The following ARIH1 variants were observed in gnomAD, a reference collection of about 807,000 sequenced individuals.
The protein encoded by ARIH1 is E3 ubiquitin-protein ligase ARIH1.
In ARIH1, 8 loss-of-function variants were observed where a neutral mutation model predicts 85.0. The observed-to-expected ratio is 0.09, with a 90% CI of 0.06 to 0.17. The LOEUF is 0.17. ARIH1 is among the 10% of genes least tolerant of loss of function. The probability of loss-of-function intolerance (pLI) is 1.00; values close to 1 mark genes in which losing one functional copy is unlikely to be tolerated. For missense variants in ARIH1, 311 were observed against 718.1 expected (o/e 0.43, Z 6.48); for synonymous variants, 238 against 253.6 (o/e 0.94, Z 0.59).
chr15:72,532,569 T>C (rs1337120946), intron 2 of ARIH1, among the ~76,000 whole-genome samples: 1 of 152,136 alleles, frequency 6.6e-6, no homozygotes, highest in Non-Finnish European at 1.5e-5. Flanking sequence ...CATAAAGATA[T>C]CATAACCTTT....
chr15:72,595,319 A>G lies in ARIH1; in HGVS notation c.*12027A>G, dbSNP rs1019809267. 2.0e-5 allele frequency: 3 copies of G among 152,222 alleles called. No individual in the cohort carries two copies. The highest frequency in any genetic ancestry group is 7.2e-5 in the African/African-American group (3 of 41,414). The allele number at this position is 152,222 out of a possible 1,614,324, so 9.4% of individuals were successfully genotyped here. ...CTCAGCCTCCTGAGTAGCTAGGAATACAGGTGCATGTCACCACACCAGGCA... is the reference window on the plus strand; with the variant it reads ...CTCAGCCTCCTGAGTAGCTAGGAATGCAGGTGCATGTCACCACACCAGGCA... On this transcript the variant is annotated 3_prime_UTR_variant, in exon 14 of 14. Coordinates refer to ENST00000379887, the MANE Select transcript of ARIH1 (RefSeq NM_005744.5).
In ARIH1 at chr15:72,474,903, T is replaced by C. The variant is rs373373660; in HGVS notation, c.264T>C (p.Gly88=). The C allele has an allele frequency of 3.3e-4, 479 of 1,445,906 alleles. No individual in the cohort carries two copies. In the African/African-American group the frequency reaches 5.6e-3, roughly 17 times the overall value. The allele number at this position is 1,445,906 out of a possible 1,614,324, so 89.6% of individuals were successfully genotyped here. Residue 88 remains glycine, a synonymous_variant, in exon 1 of 14, where the codon GGT becomes GGC. Coordinates refer to ENST00000379887, the MANE Select transcript of ARIH1 (RefSeq NM_005744.5). ...GGGGGGGGGG[G]GGPGHEQEED... ...GCGGCGGCGGCGGCGGCGGTGGTGG[T>C]GGCGGGCCGGGGCATGAGCAGGAGG...
At chr15:72,515,682 A>G (rs1452515661) in intron 1 of ARIH1, among the ~76,000 whole-genome samples, 1 of 152,194 alleles carries the variant, frequency 6.6e-6, no homozygotes, top group Non-Finnish European at 1.5e-5. Context: ...AGTCTTTGCC[A>G]TGTTGTTTGC....
chr15:72,554,609 A>G (rs1012397268), intron 3 of ARIH1, among the ~76,000 whole-genome samples: 5 of 150,436 alleles, frequency 3.3e-5, no homozygotes, highest in Admixed American at 3.3e-4. Flanking sequence ...CTGGTCTTGA[A>G]CTCCTTGCCT....
At chr15:72,524,653 C>A (rs2064019208) in intron 2 of ARIH1, among the ~76,000 whole-genome samples, 1 of 152,172 alleles carries the variant, frequency 6.6e-6, no homozygotes, top group African/African-American at 2.4e-5. Context: ...CCAAAAAGTA[C>A]TGGATGATTT....
intron 2 of ARIH1, among the ~76,000 whole-genome samples, chr15:72,519,752 G>T (rs2063991432): frequency 2.0e-5 from 3 of 152,062 alleles, no homozygotes. Context: ...CCAAAGTGCT[G>T]GGATTACAGT....
Position 72,601,257 on chromosome 15 carries a change from GTCTCTACTCATGAGCTAA to G in ARIH1, c.*17966_*17983del, listed in dbSNP as rs2064381481. The G allele has an allele frequency of 6.6e-6, 1 of 152,104 alleles. No individual in the cohort carries two copies. The highest frequency in any genetic ancestry group is 1.5e-5 in the Non-Finnish European group (1 of 68,034). The allele number at this position is 152,104 out of a possible 1,614,324, so 9.4% of individuals were successfully genotyped here. Reference sequence around the variant, plus strand: ...CAATTTTTGTCCCCCTCCCAATTCAGTCTCTACTCATGAGCTAACATGAGTTTATTAAGTGTTCATTCT... The same window carrying G: ...CAATTTTTGTCCCCCTCCCAATTCAGCATGAGTTTATTAAGTGTTCATTCT... On this transcript the variant is annotated 3_prime_UTR_variant, in exon 14 of 14. Coordinates refer to ENST00000379887, the MANE Select transcript of ARIH1 (RefSeq NM_005744.5).
chr15:72,567,921 CTA>C (rs2064228063), intron 9 of ARIH1, among the ~76,000 whole-genome samples: 1 of 152,096 alleles, frequency 6.6e-6, no homozygotes, highest in Admixed American at 6.6e-5. Context: ...GTATATAAAG[CTA>C]TCTTTGAACT....
chr15:72,556,013 G>A lies in ARIH1; in HGVS notation c.737+106G>A, dbSNP rs1595868983. On this transcript the variant is annotated intron_variant, in intron 5 of 13. Transcript: ENST00000379887. ...GAAGTGAAACTTTTTAAAGTCTGAAGAAACTTTTTAATCTGCGTTCCTTAG... is the reference window on the plus strand; with the variant it reads ...GAAGTGAAACTTTTTAAAGTCTGAAAAAACTTTTTAATCTGCGTTCCTTAG... The A allele has an allele frequency of 7.0e-6, 7 of 997,462 alleles. No individual in the cohort carries two copies. In the East Asian group the frequency reaches 1.8e-4, roughly 25 times the overall value. 61.8% of individuals were successfully genotyped at this position (997,462 alleles called of 1,614,324 possible).
intron 1 of ARIH1, among the ~76,000 whole-genome samples, chr15:72,501,405 G>A (rs953057419): frequency 1.3e-5 from 2 of 152,144 alleles, no homozygotes; most frequent in African/African-American, 4.8e-5. Context: ...ATATAGTATG[G>A]ATGAGTAAGA....
At chr15:72,581,028 G>C (rs1355640931) in intron 12 of ARIH1, 37 bp downstream of exon 12, 2 of 1,588,176 alleles carry the variant, frequency 1.3e-6, no homozygotes, top group Non-Finnish European at 1.7e-6. Context: ...AGCCCACCTT[G>C]TATCATAGGT....
chr15:72,549,610 C>T (rs969357661), intron 3 of ARIH1, among the ~76,000 whole-genome samples: 1 of 152,028 alleles, frequency 6.6e-6, no homozygotes, highest in Admixed American at 6.6e-5. Context: ...ACAAGGGAAC[C>T]GATTCCCAGG....
rs2064357973 is a variant in ARIH1, at chr15:72,594,964, CTG to C, written c.*11674_*11675del. On this transcript the variant is annotated 3_prime_UTR_variant, in exon 14 of 14. Transcript: ENST00000379887. Reference sequence around the variant, plus strand: ...GTTTCATCACTAAGTATAATGTTAACTGTAAGTTTTTCACAGACCAGCCCAAA... The same window carrying C: ...GTTTCATCACTAAGTATAATGTTAACTAAGTTTTTCACAGACCAGCCCAAA... The C allele has an allele frequency of 6.6e-6, 1 of 151,904 alleles. No homozygotes were observed. The highest frequency in any genetic ancestry group is 2.4e-5 in the African/African-American group (1 of 41,352). 9.4% of individuals were successfully genotyped at this position (151,904 alleles called of 1,614,324 possible).
intron 1 of ARIH1, among the ~76,000 whole-genome samples, chr15:72,482,034 C>G (rs2063818549): frequency 6.6e-6 from 1 of 152,092 alleles, no homozygotes; most frequent in Non-Finnish European, 1.5e-5. Context: ...CGGGGTTTCA[C>G]CATGTTGGCC....
At chr15:72,496,764 A>G in intron 1 of ARIH1, 2 of 981,880 alleles carry the variant, frequency 2.0e-6, no homozygotes, top group Non-Finnish European at 1.2e-6. Flanking sequence ...GCTGTGGCCC[A>G]TTGATCTGTC....
intron 2 of ARIH1, among the ~76,000 whole-genome samples, chr15:72,527,261 T>C (rs1161122796): frequency 6.6e-6 from 1 of 152,218 alleles, no homozygotes; most frequent in Non-Finnish European, 1.5e-5. Flanking sequence ...GAGGCACTGT[T>C]GCTGCTGCCA....
intron 1 of ARIH1, among the ~76,000 whole-genome samples, chr15:72,515,595 T>G (rs1031994109): frequency 1.3e-5 from 2 of 152,212 alleles, no homozygotes; most frequent in African/African-American, 4.8e-5. Flanking sequence ...GTAGACAAAT[T>G]GACCTATTTA....
At chr15:72,572,882 G>T (rs1324123975) in intron 11 of ARIH1, among the ~76,000 whole-genome samples, 1 of 152,220 alleles carries the variant, frequency 6.6e-6, no homozygotes, top group Non-Finnish European at 1.5e-5. Context: ...CTCAGGAACT[G>T]AGAAATTCCC....
At chr15:72,505,503 A>G (rs905401922) in intron 1 of ARIH1, among the ~76,000 whole-genome samples, 2 of 152,150 alleles carry the variant, frequency 1.3e-5, no homozygotes, top group African/African-American at 4.8e-5. Context: ...TCTTGAAAAA[A>G]TGTATAAATG....
Sources: allele counts gnomAD v4.1 joint callset (sites outside exome capture counted in the v4.1 genomes callset), GRCh38; gene constraint gnomAD v4.1.1; transcripts MANE v1.5; gene names NCBI Gene and HGNC (gene_info 2026-07-23, HGNC 2026-07-21).